The following ATP13A3 variants were observed in gnomAD, a reference collection of about 807,000 sequenced individuals.
ATP13A3 encodes polyamine-transporting ATPase 13A3.
A neutral mutation model predicts 158.1 loss-of-function variants in ATP13A3; 59 were observed. The observed-to-expected ratio is 0.37, with a 90% CI of 0.30 to 0.46. The LOEUF (loss-of-function observed/expected upper bound fraction) is 0.46, where lower values mean the gene tolerates loss of function less well. ATP13A3 is among the 20% of genes least tolerant of loss of function. ATP13A3 has a pLI of 1.00. For synonymous variants in ATP13A3, 491 were observed against 504.3 expected (o/e 0.97, Z 0.35); for missense variants, 1,166 against 1,525.2 (o/e 0.76, Z 3.92).
chr3:194,411,607 A>G (rs1715436714), intron 33 of ATP13A3, among the ~76,000 whole-genome samples: 1 of 152,206 alleles, frequency 6.6e-6, no homozygotes, highest in Non-Finnish European at 1.5e-5. Context: ...GCTGTTTAAC[A>G]GACCCAAAAA....
At chr3:194,468,643 C>CTCAAGAGTT (rs1720142311) in intron 2 of ATP13A3, among the ~76,000 whole-genome samples, 1 of 152,142 alleles carries the variant, frequency 6.6e-6, no homozygotes, top group Non-Finnish European at 1.5e-5. Flanking sequence ...ACCTGAGTTT[C>CTCAAGAGTT]TCAAGAGTTG....
Position 194,413,934 on chromosome 3 carries a change from T to C in ATP13A3, c.3403-95A>G, listed in dbSNP as rs1311049949. On this transcript the variant is annotated intron_variant, in intron 31 of 33. Coordinates refer to ENST00000645319, the MANE Select transcript of ATP13A3 (RefSeq NM_001367549.1). ...TTCTAAATTTATTGAATTCCTATGA[T>C]GTACCAAACACCTTCATATACATTA... 4 of 1,019,446 alleles carry C rather than the reference T, an allele frequency of 3.9e-6. No homozygotes were observed. The African/African-American group carries it at 4.7e-5, about 12-fold the overall frequency. The allele number at this position is 1,019,446 out of a possible 1,614,324, so 63.2% of individuals were successfully genotyped here. A position where few individuals can be genotyped will look rare whatever the true frequency, so the allele number is the denominator to read the frequency against.
intron 2 of ATP13A3, among the ~76,000 whole-genome samples, chr3:194,483,338 C>G (rs1352181759): frequency 6.7e-6 from 1 of 148,890 alleles, no homozygotes; most frequent in South Asian, 2.1e-4. Flanking sequence ...GCCTGTAACC[C>G]TAACACTTTG....
In ATP13A3 at chr3:194,431,957, A is replaced by T. The variant is rs1299261220; in HGVS notation, c.2246-65T>A. On this transcript the variant is annotated intron_variant, in intron 21 of 33. Transcript: ENST00000645319. ...GGAAACGTGAACGTATCAAACATGTACTTGCTGAGAATCTACTACAGTCTC... is the reference window on the plus strand; with the variant it reads ...GGAAACGTGAACGTATCAAACATGTTCTTGCTGAGAATCTACTACAGTCTC... The T allele has an allele frequency of 1.8e-5, 24 of 1,311,548 alleles. 1 individual carries two copies. The South Asian group carries it at 3.7e-4, about 20-fold the overall frequency. 81.2% of individuals were successfully genotyped at this position (1,311,548 alleles called of 1,614,324 possible).
At chr3:194,467,967 T>C (rs924055878) in intron 2 of ATP13A3, 1 of 152,114 alleles carries the variant, frequency 6.6e-6, no homozygotes, top group South Asian at 2.1e-4. Flanking sequence ...ATTGAAGAAA[T>C]TTTTCTTACC....
chr3:194,438,016 C>T (rs940515590), intron 17 of ATP13A3, among the ~76,000 whole-genome samples: 6 of 152,062 alleles, frequency 3.9e-5, no homozygotes, highest in African/African-American at 9.6e-5. Context: ...AAAAATTAGC[C>T]GGGTGTGGTG....
At chr3:194,474,081 T>C (rs1415198476) in intron 2 of ATP13A3, among the ~76,000 whole-genome samples, 1 of 152,214 alleles carries the variant, frequency 6.6e-6, no homozygotes, top group Non-Finnish European at 1.5e-5. Context: ...AAGTAGAGTA[T>C]AAAAGTTTTG....
chr3:194,450,395 G>C, intron 10 of ATP13A3, 119 bp from the exon 11 acceptor site: 1 of 994,484 alleles, frequency 1.0e-6, no homozygotes, highest in African/African-American at 1.7e-5. Flanking sequence ...GGGTAAAATA[G>C]AAAAATCCAA....
At chr3:194,446,789 A>G (rs780197291) in intron 14 of ATP13A3, 138 bp downstream of exon 14, 5 of 795,972 alleles carry the variant, frequency 6.3e-6, no homozygotes, top group Non-Finnish European at 9.7e-6. Flanking sequence ...CATATACCAA[A>G]TAAGTGGAGG....
chr3:194,439,629 C>T (rs1420771822), intron 16 of ATP13A3, among the ~76,000 whole-genome samples: 3 of 152,052 alleles, frequency 2.0e-5, no homozygotes, highest in Admixed American at 6.5e-5. Context: ...CACCTTTTTT[C>T]GTATCTTAAC....
At chr3:194,470,042 G>A (rs779249308) in intron 2 of ATP13A3, among the ~76,000 whole-genome samples, 2 of 152,116 alleles carry the variant, frequency 1.3e-5, no homozygotes, top group African/African-American at 4.8e-5. Context: ...AAAACTTCAA[G>A]TCAGCTCCTA....
At chr3:194,415,661 C>CTGTTTTTTTTTTTTTTTTTTT (rs1208643552) in intron 31 of ATP13A3, among the ~76,000 whole-genome samples, 5 of 90,928 alleles carry the variant, frequency 5.5e-5, no homozygotes, top group South Asian at 4.0e-4. Context: ...ATACCACATT[C>CTGTTTTTTTTTTTTTTTTTTT]TTTTTTTTTT....
chr3:194,473,095 AAT>A lies in ATP13A3; in HGVS notation c.-46-10861_-46-10860del, dbSNP rs553136184. Among the ~76,000 whole-genome samples, 27 of 152,326 alleles carry A rather than the reference AAT, an allele frequency of 1.8e-4. 1 individual carries two copies. The South Asian group carries it at 5.6e-3, about 32-fold the overall frequency. ...CATACCCCAAATCTTAGCATCACAC[AAT>A]ATGATCCATGTAACAAACCTGCACA... On this transcript the variant is annotated intron_variant, in intron 2 of 33. Coordinates refer to ENST00000645319, the MANE Select transcript of ATP13A3 (RefSeq NM_001367549.1).
chr3:194,435,679 C>T (rs567159861), intron 20 of ATP13A3, among the ~76,000 whole-genome samples: 3 of 152,038 alleles, frequency 2.0e-5, no homozygotes, highest in Admixed American at 2.0e-4. Context: ...GAGGCCAAGG[C>T]GGGCAGATCA....
chr3:194,433,447 G>T (rs937374193), intron 21 of ATP13A3, among the ~76,000 whole-genome samples: 1 of 151,946 alleles, frequency 6.6e-6, no homozygotes, highest in African/African-American at 2.4e-5. Context: ...GTTTCACCTT[G>T]TTAGCCAGGA....
chr3:194,474,692 CAAAT>C (rs1343443152), intron 2 of ATP13A3, among the ~76,000 whole-genome samples: 2 of 152,182 alleles, frequency 1.3e-5, no homozygotes, highest in Non-Finnish European at 1.5e-5. Flanking sequence ...ATAAAAATCT[CAAAT>C]AACTGCTGAC....
rs1445977639 is a variant in ATP13A3, at chr3:194,404,435, T to C, written c.*1484A>G. 5.1e-6 allele frequency: 1 copy of C among 196,804 alleles called. No individual in the cohort carries two copies. Among genetic ancestry groups the C allele is most frequent in the Non-Finnish European group, 1.0e-5 (1 of 95,980 alleles). The allele number at this position is 196,804 out of a possible 1,614,324, so 12.2% of individuals were successfully genotyped here. A position where few individuals can be genotyped will look rare whatever the true frequency, so the allele number is the denominator to read the frequency against. ...GTAAAATTTGGTAAATTTGTAAATA[T>C]ATGTTGGGAAAAGAATGATCAGCTA... is the stretch of plus-strand genomic sequence containing the variant. On this transcript the variant is annotated 3_prime_UTR_variant, in exon 34 of 34. Coordinates refer to ENST00000645319, the MANE Select transcript of ATP13A3 (RefSeq NM_001367549.1).
intron 6 of ATP13A3, among the ~76,000 whole-genome samples, chr3:194,458,611 C>T (rs1719418408): frequency 6.6e-6 from 1 of 152,144 alleles, no homozygotes; most frequent in Non-Finnish European, 1.5e-5. Flanking sequence ...TGGTCTTGAA[C>T]TCCTCACCTC....
rs139046529 is a variant in ATP13A3, at chr3:194,411,502, C to T, written c.3573+697G>A. Among the ~76,000 whole-genome samples the T allele has an allele frequency of 1.1e-3, 171 of 152,310 alleles. 3 individuals are homozygous for T. The highest frequency in any genetic ancestry group is 3.9e-3 in the African/African-American group (162 of 41,574). The stretch of plus-strand genomic sequence containing the variant: ...GTCCAATCTGTATCTGTATCAAGAG[C>T]TATACTTTAACATCCTAACACTAGG... On this transcript the variant is annotated intron_variant, in intron 33 of 33. Transcript: ENST00000645319.
Sources: gnomAD v4.1 joint callset for allele counts (sites outside exome capture counted in the v4.1 genomes callset) on GRCh38, gnomAD v4.1.1 for gene constraint, MANE v1.5 for transcripts, NCBI Gene and HGNC (gene_info 2026-07-23, HGNC 2026-07-21) for gene names.